The following SLC22A6 variants were observed in gnomAD, a reference collection of about 807,000 sequenced individuals.
SLC22A6 encodes solute carrier family 22 member 6.
SLC22A6 carries 45 observed loss-of-function variants against 56.7 expected under a neutral mutation model. The observed-to-expected ratio is 0.79, with a 90% confidence interval of 0.63 to 1.02. The LOEUF (loss-of-function observed/expected upper bound fraction) is 1.02. SLC22A6 is among the 50% of genes least tolerant of loss of function. SLC22A6 has a pLI of 0.00. For synonymous variants in SLC22A6, 291 were observed against 295.9 expected, an observed-to-expected ratio of 0.98 and a Z score of 0.17; for missense variants, 606 against 713.8, an observed-to-expected ratio of 0.85 and a Z score of 1.72.
In SLC22A6 at chr11:62,979,935, A is replaced by G; in HGVS notation, c.1051T>C (p.Phe351Leu). Residue 351 changes from phenylalanine (F) to leucine (L), a missense_variant, in exon 7 of 10, where the codon TTT (phenylalanine) becomes CTT (leucine). Transcript: ENST00000360421. ...CLSMLWFATS[F>L]AYYGLVMDLQ... Reference sequence around the variant, plus strand: ...TCCATGACCAGCCCATAGTATGCAAAGCTAGTGGCAAACCTAGCAGAGAGA... The same window carrying G: ...TCCATGACCAGCCCATAGTATGCAAGGCTAGTGGCAAACCTAGCAGAGAGA... 1 of 1,613,764 alleles carries G rather than the reference A, an allele frequency of 6.2e-7. No individual in the cohort carries two copies. The highest frequency in any genetic ancestry group is 1.1e-5 in the South Asian group (1 of 91,078).
Position 62,983,395 on chromosome 11 carries a change from G to A in SLC22A6, c.628+142C>T. ...CAGGGCGGCATGAGCCTGAGAAAAG[G>A]TTGTTCTATTGGCAGGAAGGTGAGA... On this transcript the variant is annotated intron_variant, in intron 3 of 9. Transcript: ENST00000360421. This position sits in a 1 kb window ranked among gnomAD's most constrained non-coding sequence, Gnocchi z 4.5. 4 of 844,188 alleles carry A rather than the reference G, an allele frequency of 4.7e-6. No homozygotes were observed. The highest frequency in any genetic ancestry group is 1.6e-5 in the South Asian group (1 of 62,364). The allele number at this position is 844,188 out of a possible 1,614,324, so 52.3% of individuals were successfully genotyped here.
At chr11:62,982,946 GT>G (rs2086271582) in intron 3 of SLC22A6, among the ~76,000 whole-genome samples, 1 of 152,158 alleles carries the variant, frequency 6.6e-6, no homozygotes, top group African/African-American at 2.4e-5. Context: ...CTGGATGAAG[GT>G]GTCTCTCCTT....
rs11568634 is a variant in SLC22A6, at chr11:62,979,488, C to T, written c.1361G>A (p.Arg454Gln). The T allele has an allele frequency of 4.1e-5, 64 of 1,576,102 alleles. No homozygotes were observed. The highest frequency in any genetic ancestry group is 3.8e-4 in the South Asian group (34 of 90,316). The part of the protein sequence containing the change: ...YTGELYPTMI[R>Q]QTGMGMGSTM... ...ATTCTCCCATTAGGCTCCCACTCACCGGATCATTGTGGGATACAGTTCCCC... is the reference window on the plus strand; with the variant it reads ...ATTCTCCCATTAGGCTCCCACTCACTGGATCATTGTGGGATACAGTTCCCC... The change falls in exon 8 of 10, where the codon CGG (arginine) becomes CAG (glutamine). Residue 454 changes from arginine (R) to glutamine (Q), a missense_variant and splice_region_variant. Physicochemically the swap from Arg to Gln is conservative, Grantham distance 43. Transcript: ENST00000360421.
chr11:62,979,448 C>T (rs1224493776), intron 8 of SLC22A6, 40 bp downstream of exon 8: 3 of 1,305,708 alleles, frequency 2.3e-6, no homozygotes, highest in South Asian at 2.4e-5. Flanking sequence ...TGTCTTTCCC[C>T]AGGAAAAGGC....
Position 62,983,790 on chromosome 11 carries a change from G to T in SLC22A6, c.474-99C>A. The T allele has an allele frequency of 7.4e-7, 1 of 1,350,808 alleles. No individual in the cohort carries two copies. The highest frequency in any genetic ancestry group is 1.0e-6 in the Non-Finnish European group (1 of 991,246). 83.7% of individuals were successfully genotyped at this position (1,350,808 alleles called of 1,614,324 possible). ...CTCACCCTGGATGATGCCTGGGCTG[G>T]GGCCTTTTGAGGACCTCTGAAGTAT... On this transcript the variant is annotated intron_variant, in intron 2 of 9. Transcript: ENST00000360421. The surrounding 1 kb of genome is among the most constrained non-coding windows in gnomAD (Gnocchi z 4.5).
chr11:62,980,941 C>G, intron 6 of SLC22A6, 44 bp downstream of exon 6: 1 of 1,518,480 alleles, frequency 6.6e-7, no homozygotes, highest in Non-Finnish European at 8.9e-7. Flanking sequence ...TCCTCCTGCC[C>G]CAGCCAGCCT....
Position 62,976,742 on chromosome 11 carries a change from A to T in SLC22A6, c.*52T>A. On this transcript the variant is annotated 3_prime_UTR_variant, in exon 10 of 10. Transcript: ENST00000360421. Reference sequence around the variant, plus strand: ...CTCCTCCTTGTGTGGGTGGCCGGAGACCTGTAGGACCTTCCCTCCCTTTAG... The same window carrying T: ...CTCCTCCTTGTGTGGGTGGCCGGAGTCCTGTAGGACCTTCCCTCCCTTTAG... 6.8e-7 allele frequency: 1 copy of T among 1,462,658 alleles called. No homozygotes were observed. The highest frequency in any genetic ancestry group is 2.3e-5 in the East Asian group (1 of 43,244). The allele number at this position is 1,462,658 out of a possible 1,614,324, so 90.6% of individuals were successfully genotyped here.
At position 62,984,504 on chromosome 11, in the gene SLC22A6, G is replaced by GC. The variant is rs1235640165; in HGVS notation, c.186dup (p.Leu63AlafsTer14). ...CTGTCCCGGGGCAGCCAGACCTCCAGCCCCCCGTTCTTGCTGAGGTTGGCA... is the reference window on the plus strand; with the variant it reads ...CTGTCCCGGGGCAGCCAGACCTCCAGCCCCCCCGTTCTTGCTGAGGTTGGCA... On this transcript the variant is annotated frameshift_variant, in exon 1 of 10. Transcript: ENST00000360421. LOFTEE classifies it high-confidence loss of function. The GC allele has an allele frequency of 6.2e-7, 1 of 1,613,974 alleles. No individual in the cohort carries two copies. The highest frequency in any genetic ancestry group is 8.5e-7 in the Non-Finnish European group (1 of 1,179,976).
intron 7 of SLC22A6, 49 bp downstream of exon 7, chr11:62,979,685 G>A: frequency 1.3e-6 from 2 of 1,599,018 alleles, no homozygotes; most frequent in East Asian, 2.2e-5. Flanking sequence ...TGGGTTATGT[G>A]TGGGGATGGG....
chr11:62,976,695 C>T lies in SLC22A6; in HGVS notation c.*99G>A. 9.9e-7 allele frequency: 1 copy of T among 1,005,666 alleles called. No homozygotes were observed. 62.3% of individuals were successfully genotyped at this position (1,005,666 alleles called of 1,614,324 possible). A position where few individuals can be genotyped will look rare whatever the true frequency, so the allele number is the denominator to read the frequency against. ...GCTTTCCTGAACCACAACCCCCACA[C>T]TTGGGTCACCATTTCCTCTTCCTCC... is the stretch of plus-strand genomic sequence containing the variant. On this transcript the variant is annotated 3_prime_UTR_variant, in exon 10 of 10. Coordinates refer to ENST00000360421, the MANE Select transcript of SLC22A6 (RefSeq NM_153276.3).
rs2086233924 is a variant in SLC22A6, at chr11:62,979,883, T to C, written c.1103A>G (p.Tyr368Cys). The C allele has an allele frequency of 2.5e-6, 4 of 1,614,064 alleles. No homozygotes were observed. Among genetic ancestry groups the C allele is most frequent in the Middle Eastern group, 1.6e-4 (1 of 6,062 alleles). Reference protein sequence around the residue: ...MDLQGFGVSIYLIQVIFGAVD... With the variant: ...MDLQGFGVSICLIQVIFGAVD... ...AGCACCAAAGATCACCTGGATTAGG[T>C]AGATGCTGACTCCAAAGCCCTGCAG... The change falls in exon 7 of 10, where the codon TAC becomes TGC. Residue 368 changes from tyrosine to cysteine, a missense_variant. Tyr to Cys is a radical substitution (Grantham distance 194). Transcript: ENST00000360421.
Position 62,981,111 on chromosome 11 carries a change from C to A in SLC22A6, c.922-11G>T, listed in dbSNP as rs761626832. 12 of 1,610,352 alleles carry A rather than the reference C, an allele frequency of 7.5e-6. No homozygotes were observed. In the East Asian group the frequency reaches 8.9e-5, roughly 12 times the overall value. On this transcript the variant is annotated splice_polypyrimidine_tract_variant and intron_variant, in intron 5 of 9. Coordinates refer to ENST00000360421, the MANE Select transcript of SLC22A6 (RefSeq NM_153276.3). ...ACTGGCCCGGAGTACCTGCTGGGAC[C>A]GGCAGAGCTCAGGGCCCGGGATCCT...
Position 62,977,175 on chromosome 11 carries a change from G to A in SLC22A6, c.1565+9C>T, listed in dbSNP as rs758665168. 10 of 1,614,048 alleles carry A rather than the reference G, an allele frequency of 6.2e-6. No individual in the cohort carries two copies. The highest frequency in any genetic ancestry group is 8.5e-6 in the Non-Finnish European group (10 of 1,180,046). ...ATATATCCCTGCTTCTTTCTGAGTGGGGGCCCACCTGCTCTCCAGGTCCTG... is the reference window on the plus strand; with the variant it reads ...ATATATCCCTGCTTCTTTCTGAGTGAGGGCCCACCTGCTCTCCAGGTCCTG... On this transcript the variant is annotated intron_variant, in intron 9 of 9. Transcript: ENST00000360421.
At chr11:62,984,224 A>G in intron 1 of SLC22A6, 98 bp downstream of exon 1, 3 of 1,452,898 alleles carry the variant, frequency 2.1e-6, no homozygotes, top group South Asian at 1.3e-5. Context: ...CAGTTAAAAA[A>G]CTCAGCAGTT....
At position 62,976,927 on chromosome 11, in the gene SLC22A6, G is replaced by C. The variant is rs367964512; in HGVS notation, c.1566-46C>G. ...GGCACTCTGGGTATGCAGCCTCCAGGCCAGGGCCGGGATATGGAGGCTCCC... is the reference window on the plus strand; with the variant it reads ...GGCACTCTGGGTATGCAGCCTCCAGCCCAGGGCCGGGATATGGAGGCTCCC... On this transcript the variant is annotated intron_variant, in intron 9 of 9. Coordinates refer to ENST00000360421, the MANE Select transcript of SLC22A6 (RefSeq NM_153276.3). 13 of 1,602,234 alleles carry C rather than the reference G, an allele frequency of 8.1e-6. No homozygotes were observed. In the East Asian group the frequency reaches 2.9e-4, roughly 36 times the overall value.
In SLC22A6 at chr11:62,983,336, G is replaced by C. The variant is rs1226038902; in HGVS notation, c.628+201C>G. Among the ~76,000 whole-genome samples, 1 of 152,200 alleles carries C rather than the reference G, an allele frequency of 6.6e-6. No individual in the cohort carries two copies. Among genetic ancestry groups the C allele is most frequent in the African/African-American group, 2.4e-5 (1 of 41,436 alleles). ...TGGGATTACAGGTGTGAGCCACTGCGCCTGGCCCGCAATCCTGTTTTTAAA... is the reference window on the plus strand; with the variant it reads ...TGGGATTACAGGTGTGAGCCACTGCCCCTGGCCCGCAATCCTGTTTTTAAA... On this transcript the variant is annotated intron_variant, in intron 3 of 9. Transcript: ENST00000360421. The surrounding 1 kb of genome is among the most constrained non-coding windows in gnomAD (Gnocchi z 4.5).
chr11:62,984,615 G>T lies in SLC22A6; in HGVS notation c.76C>A (p.Leu26Ile). The T allele has an allele frequency of 6.2e-7, 1 of 1,613,576 alleles. No homozygotes were observed. The highest frequency in any genetic ancestry group is 8.5e-7 in the Non-Finnish European group (1 of 1,179,828). Reference protein sequence around the residue: ...FQQIQVTLVVLPLLLMASHNT... With the variant: ...FQQIQVTLVVIPLLLMASHNT... ...TGAGAAGCCATCAGGAGCAGGGGGA[G>T]GACCACCAGGGTGACCTGGATCTGC... Residue 26 changes from leucine to isoleucine, a missense_variant, in exon 1 of 10, where the codon CTC becomes ATC. Transcript: ENST00000360421.
intron 5 of SLC22A6, 31 bp downstream of exon 5, chr11:62,981,229 G>A: frequency 6.2e-7 from 1 of 1,608,764 alleles, no homozygotes; most frequent in Non-Finnish European, 8.5e-7. Context: ...AGCCCTGGGA[G>A]GTTATCATGG....
Position 62,984,486 on chromosome 11 carries a change from G to T in SLC22A6, c.205C>A (p.Arg69=). Residue 69 remains arginine, a synonymous_variant, in exon 1 of 10, where the codon CGG becomes AGG. Coordinates refer to ENST00000360421, the MANE Select transcript of SLC22A6 (RefSeq NM_153276.3). ...KNGGLEVWLP[R]DRQGQPESCL... ...GACTCAGGCTGCCCCTGCCTGTCCCGGGGCAGCCAGACCTCCAGCCCCCCG... is the reference window on the plus strand; with the variant it reads ...GACTCAGGCTGCCCCTGCCTGTCCCTGGGCAGCCAGACCTCCAGCCCCCCG... 1.2e-6 allele frequency: 2 copies of T among 1,613,834 alleles called. No homozygotes were observed. The highest frequency in any genetic ancestry group is 1.7e-6 in the Non-Finnish European group (2 of 1,179,964).
Sources: allele counts gnomAD v4.1 joint callset (sites outside exome capture counted in the v4.1 genomes callset), GRCh38; gene constraint gnomAD v4.1.1; non-coding constraint Gnocchi (gnomAD v3.1); transcripts MANE v1.5; gene names NCBI Gene and HGNC (gene_info 2026-07-23, HGNC 2026-07-21).